Variants in UNC5D observed in about 807,000 individuals in gnomAD.
UNC5D encodes netrin receptor UNC5D.
In UNC5D, 39 loss-of-function variants were observed where a neutral mutation model predicts 105.4. That is an observed-to-expected ratio of 0.37 (90% confidence interval 0.29 to 0.48). The LOEUF (loss-of-function observed/expected upper bound fraction) is 0.48, where lower values mean the gene tolerates loss of function less well. UNC5D is among the 20% of genes least tolerant of loss of function. The probability of loss-of-function intolerance (pLI) is 0.98; values close to 1 mark genes in which losing one functional copy is unlikely to be tolerated. For missense variants in UNC5D, 991 were observed against 1,202.4 expected (o/e 0.82, Z 2.60); for synonymous variants, 452 against 450.4 (o/e 1.00, Z -0.04).
intron 1 of UNC5D, among the ~76,000 whole-genome samples, chr8:35,447,755 T>C (rs145453975): frequency 0.012 from 1,884 of 152,172 alleles, 13 homozygotes; most frequent in Non-Finnish European, 0.02. Context: ...AAAATTACTT[T>C]AGTGCATTTA....
chr8:35,312,473 C>A (rs1362621981), intron 1 of UNC5D, among the ~76,000 whole-genome samples: 3 of 152,116 alleles, frequency 2.0e-5, no homozygotes, highest in African/African-American at 4.8e-5. Flanking sequence ...TATGTTCATA[C>A]CACATTTCAA....
chr8:35,720,167 C>T (rs1448707798), intron 8 of UNC5D, among the ~76,000 whole-genome samples: 1 of 152,184 alleles, frequency 6.6e-6, no homozygotes, highest in Non-Finnish European at 1.5e-5. Context: ...TTGGTTTTGT[C>T]TTAGGATGTT....
In UNC5D at chr8:35,549,500, C is replaced by G; in HGVS notation, c.312C>G (p.Asp104Glu). The G allele has an allele frequency of 6.2e-7, 1 of 1,611,602 alleles. No individual in the cohort carries two copies. The highest frequency in any genetic ancestry group is 1.1e-5 in the South Asian group (1 of 90,912). The change falls in exon 2 of 17, where the codon GAC becomes GAG. Residue 104 changes from aspartate to glutamate, a missense_variant. Physicochemically the swap from Asp to Glu is conservative, Grantham distance 45. This residue lies in a region of UNC5D where 944 missense variants were observed against 1,131.6 expected (regional missense o/e 0.83). Transcript: ENST00000404895. Reference sequence around the variant, plus strand: ...AGCACGTCTCTGAAGAGACTCTGGACGAGAGCTCAGGTAGGAGCGTGCAGC... The same window carrying G: ...AGCACGTCTCTGAAGAGACTCTGGAGGAGAGCTCAGGTAGGAGCGTGCAGC... ...QNEHVSEETL[D>E]ESSGLKVREV...
intron 1 of UNC5D, among the ~76,000 whole-genome samples, chr8:35,342,296 C>G (rs1036376621): frequency 6.6e-6 from 1 of 152,102 alleles, no homozygotes; most frequent in Non-Finnish European, 1.5e-5. Context: ...GCCTCCAGTG[C>G]TCATTCCTAT....
intron 7 of UNC5D, among the ~76,000 whole-genome samples, chr8:35,689,389 ACT>A (rs956293549): frequency 1.3e-5 from 2 of 152,220 alleles, no homozygotes; most frequent in African/African-American, 2.4e-5. Flanking sequence ...CTCGATCCTA[ACT>A]CTGATATCTG....
At chr8:35,555,793 T>TC (rs1462095047) in intron 2 of UNC5D, among the ~76,000 whole-genome samples, 1 of 147,924 alleles carries the variant, frequency 6.8e-6, no homozygotes, top group Non-Finnish European at 1.5e-5. Flanking sequence ...ACCACTGTAC[T>TC]CCAGCCTGCC....
chr8:35,522,086 C>G (rs1460899170), intron 1 of UNC5D, among the ~76,000 whole-genome samples: 4 of 152,190 alleles, frequency 2.6e-5, no homozygotes, highest in African/African-American at 9.6e-5. Context: ...TCCCCATCAA[C>G]AAACATGACA....
At chr8:35,325,226 C>T (rs181870366) in intron 1 of UNC5D, among the ~76,000 whole-genome samples, 11 of 152,176 alleles carry the variant, frequency 7.2e-5, no homozygotes, top group Admixed American at 2.0e-4. Context: ...AACTTTTAAA[C>T]GTGATTTTTA....
chr8:35,681,598 T>G (rs1340254093), intron 4 of UNC5D, among the ~76,000 whole-genome samples: 2 of 152,234 alleles, frequency 1.3e-5, no homozygotes, highest in Non-Finnish European at 2.9e-5. Flanking sequence ...GCAGCGCTTT[T>G]TGGCTCTGAT....
At position 35,235,820 on chromosome 8, in the gene UNC5D, A is replaced by G; in HGVS notation, c.36A>G (p.Gly12=). The G allele has an allele frequency of 8.1e-7, 1 of 1,229,868 alleles. No homozygotes were observed. The highest frequency in any genetic ancestry group is 1.0e-6 in the Non-Finnish European group (1 of 986,528). 76.2% of individuals were successfully genotyped at this position (1,229,868 alleles called of 1,614,324 possible). ...CGGCGGCCACCGCAGGCGGCGGCGGAGGGGCGCGCCGCTGGCTCCCGTGGC... is the reference window on the plus strand; with the variant it reads ...CGGCGGCCACCGCAGGCGGCGGCGGGGGGGCGCGCCGCTGGCTCCCGTGGC... The part of the protein sequence containing the change: ...GRAAATAGGG[G]GARRWLPWLG... The change falls in exon 1 of 17, where the codon GGA becomes GGG. Residue 12 remains glycine, a synonymous_variant. Coordinates refer to ENST00000404895, the MANE Select transcript of UNC5D (RefSeq NM_080872.4).
At chr8:35,648,656 T>G in intron 4 of UNC5D, among the ~76,000 whole-genome samples, 1 of 119,672 alleles carries the variant, frequency 8.4e-6, no homozygotes, top group Admixed American at 1.1e-4. Flanking sequence ...TCCAGCCTGG[T>G]CAACAGAGTG....
chr8:35,597,193 C>G (rs1034599109), intron 4 of UNC5D, among the ~76,000 whole-genome samples: 8 of 152,134 alleles, frequency 5.3e-5, no homozygotes, highest in African/African-American at 1.9e-4. Flanking sequence ...ATTCAAAGCT[C>G]AAATGGCTCA....
chr8:35,494,346 T>C (rs1378404158), intron 1 of UNC5D, among the ~76,000 whole-genome samples: 2 of 152,162 alleles, frequency 1.3e-5, no homozygotes, highest in African/African-American at 4.8e-5. Context: ...CTAATAATAT[T>C]TTACATTATA....
At chr8:35,276,646 G>A (rs1465537918) in intron 1 of UNC5D, among the ~76,000 whole-genome samples, 1 of 152,092 alleles carries the variant, frequency 6.6e-6, no homozygotes, top group African/African-American at 2.4e-5. Flanking sequence ...TCCCATGTAG[G>A]TCTGTATGCA....
At chr8:35,750,920 G>A (rs1487015483) in intron 13 of UNC5D, 111 bp downstream of exon 13, 15 of 1,316,328 alleles carry the variant, frequency 1.1e-5, no homozygotes, top group African/African-American at 2.9e-5. Context: ...ATGAACCCAC[G>A]CCACTGTAAC....
intron 1 of UNC5D, among the ~76,000 whole-genome samples, chr8:35,345,123 A>G (rs1811714837): frequency 6.6e-6 from 1 of 152,032 alleles, no homozygotes; most frequent in Admixed American, 6.6e-5. Context: ...ACTCATAGGC[A>G]TTTACCTAAA....
chr8:35,455,522 G>A (rs10097983), intron 1 of UNC5D, among the ~76,000 whole-genome samples: 95,796 of 151,758 alleles, frequency 0.63, 32,287 homozygotes, highest in African/African-American at 0.89. Context: ...CAGGTGATCC[G>A]TCCACCTCCG....
chr8:35,317,288 CTGTT>C (rs1809378822), intron 1 of UNC5D, among the ~76,000 whole-genome samples: 1 of 152,094 alleles, frequency 6.6e-6, no homozygotes, highest in South Asian at 2.1e-4. Flanking sequence ...ATAAAGAAGT[CTGTT>C]TGCTGATAGA....
intron 1 of UNC5D, among the ~76,000 whole-genome samples, chr8:35,470,601 C>CA (rs143876201): frequency 0.017 from 2,026 of 119,768 alleles, 20 homozygotes; most frequent in African/African-American, 0.036. Context: ...ACAAAAAATG[C>CA]AAAAAAAAAA....
Sources: allele counts gnomAD v4.1 joint callset (sites outside exome capture counted in the v4.1 genomes callset), GRCh38; gene constraint gnomAD v4.1.1; regional missense constraint gnomAD v4.1.1; transcripts MANE v1.5; gene names NCBI Gene and HGNC (gene_info 2026-07-23, HGNC 2026-07-21).